Variants in SLF1 observed in about 807,000 individuals in gnomAD.
SLF1 encodes SMC5/6 complex localization factor 1, also known as SMC5-SMC6 complex localization factor protein 1.
Under a neutral mutation model 123.0 loss-of-function variants are expected in SLF1, and 105 were observed. The observed-to-expected ratio is 0.85, with a 90% CI of 0.73 to 1.00. The LOEUF (loss-of-function observed/expected upper bound fraction) is 1.00. Among genes scored for constraint, SLF1 ranks in the 50% least tolerant of loss-of-function variants. The probability of loss-of-function intolerance (pLI) is 0.00; values close to 1 mark genes in which losing one functional copy is unlikely to be tolerated. For synonymous variants in SLF1, 434 were observed against 406.6 expected, an observed-to-expected ratio of 1.07 and a Z score of -0.81; for missense variants, 1,239 against 1,223.0, an observed-to-expected ratio of 1.01 and a Z score of -0.20.
intron 12 of SLF1, 124 bp downstream of exon 12, chr5:94,666,148 A>G (rs1404478569): frequency 9.7e-6 from 9 of 930,932 alleles, no homozygotes; most frequent in Admixed American, 3.1e-5. Context: ...GCAAATACAA[A>G]TATGTATTGT....
chr5:94,687,211 T>C (rs1474443027), intron 16 of SLF1, among the ~76,000 whole-genome samples: 2 of 152,198 alleles, frequency 1.3e-5, no homozygotes, highest in African/African-American at 4.8e-5. Context: ...TGAGTGCCTG[T>C]AGGTGAGTGC....
chr5:94,666,342 C>T (rs1218175682), intron 12 of SLF1, among the ~76,000 whole-genome samples: 1 of 152,104 alleles, frequency 6.6e-6, no homozygotes, highest in African/African-American at 2.4e-5. Flanking sequence ...ATGGAATATG[C>T]ATATCATCAG....
chr5:94,620,686 A>G (rs1791705604), intron 1 of SLF1, among the ~76,000 whole-genome samples: 1 of 152,216 alleles, frequency 6.6e-6, no homozygotes, highest in East Asian at 1.9e-4. Context: ...GAATGTAACT[A>G]AAATGAGACA....
At chr5:94,665,668 G>A (rs986325123) in intron 11 of SLF1, among the ~76,000 whole-genome samples, 193 bp from the exon 12 acceptor site, 2 of 152,216 alleles carry the variant, frequency 1.3e-5, no homozygotes, top group South Asian at 2.1e-4. Context: ...CAGAAAAATC[G>A]CTTGAACCCA....
chr5:94,661,899 T>C (rs899365161), intron 9 of SLF1, among the ~76,000 whole-genome samples: 6 of 152,096 alleles, frequency 3.9e-5, no homozygotes, highest in African/African-American at 1.4e-4. Context: ...CTTTTAAATA[T>C]GCAATTATGG....
rs535062939 is a variant in SLF1, at chr5:94,624,944, T to C, written c.1-3867T>C. On this transcript the variant is annotated intron_variant, in intron 1 of 20. Coordinates refer to ENST00000265140, the MANE Select transcript of SLF1 (RefSeq NM_032290.4). ...GCTCATGCCTGTAATCCCAGCGCTT[T>C]GGGAGGCCGAGGCAGGCGGATCACA... Among the ~76,000 whole-genome samples the C allele has an allele frequency of 2.3e-3, 355 of 151,778 alleles. 2 individuals carry two copies. Among genetic ancestry groups the C allele is most frequent in the African/African-American group, 7.9e-3 (325 of 41,362 alleles).
chr5:94,676,731 C>A (rs1284093183), intron 14 of SLF1, among the ~76,000 whole-genome samples: 1 of 152,218 alleles, frequency 6.6e-6, no homozygotes, highest in Non-Finnish European at 1.5e-5. Flanking sequence ...TGCTACTGGT[C>A]CTGACTGTGT....
chr5:94,680,550 C>A (rs866389219), intron 15 of SLF1, among the ~76,000 whole-genome samples: 18 of 152,138 alleles, frequency 1.2e-4, no homozygotes, highest in Admixed American at 3.9e-4. Context: ...TGTTTTCATT[C>A]CTTAATGAAA....
intron 14 of SLF1, among the ~76,000 whole-genome samples, chr5:94,675,111 C>T (rs964461466): frequency 6.6e-6 from 1 of 152,218 alleles, no homozygotes; most frequent in African/African-American, 2.4e-5. Context: ...TCACATATTA[C>T]AGTGGGATAT....
At chr5:94,680,939 A>G (rs1302269331) in intron 15 of SLF1, among the ~76,000 whole-genome samples, 1 of 152,204 alleles carries the variant, frequency 6.6e-6, no homozygotes, top group African/African-American at 2.4e-5. Flanking sequence ...CCAAAGATCT[A>G]TTAATATATT....
rs1251528464 is a variant in SLF1, at chr5:94,649,598, G to A, written c.738+1G>A. On this transcript the variant is annotated splice_donor_variant, in intron 6 of 20. Transcript: ENST00000265140. LOFTEE classifies it high-confidence loss of function. ...AAGAGAGACCATGTATAGAACCCAGGTAAACTTTATAGGCTGAAAAACATA... is the reference window on the plus strand; with the variant it reads ...AAGAGAGACCATGTATAGAACCCAGATAAACTTTATAGGCTGAAAAACATA... 2.0e-6 allele frequency: 3 copies of A among 1,464,252 alleles called. No homozygotes were observed. The highest frequency in any genetic ancestry group is 5.1e-5 in the East Asian group (2 of 39,548). 90.7% of individuals were successfully genotyped at this position (1,464,252 alleles called of 1,614,324 possible).
At chr5:94,675,088 A>G (rs75215652) in intron 14 of SLF1, among the ~76,000 whole-genome samples, 20 of 152,344 alleles carry the variant, frequency 1.3e-4, no homozygotes, top group Non-Finnish European at 1.9e-4. Context: ...CATCTTTCCA[A>G]CAGAGTAGTT....
Position 94,697,090 on chromosome 5 carries a change from A to T in SLF1, c.*1778A>T, listed in dbSNP as rs906957494. 6.6e-6 allele frequency: 1 copy of T among 151,852 alleles called. No individual in the cohort carries two copies. Among genetic ancestry groups the T allele is most frequent in the African/African-American group, 2.4e-5 (1 of 41,394 alleles). 9.4% of individuals were successfully genotyped at this position (151,852 alleles called of 1,614,324 possible). On this transcript the variant is annotated 3_prime_UTR_variant, in exon 21 of 21. Transcript: ENST00000265140. ...CATAACGTATATTTGTTTAATTGCA[A>T]TTAGCATTAATATTTCATAATTGAC...
chr5:94,685,374 G>A (rs2152496507), intron 15 of SLF1, among the ~76,000 whole-genome samples: 1 of 151,934 alleles, frequency 6.6e-6, no homozygotes, highest in Admixed American at 6.5e-5. Context: ...TATTCTTCCA[G>A]TATTTATAGT....
intron 15 of SLF1, 53 bp downstream of exon 15, chr5:94,679,008 G>T: frequency 6.3e-7 from 1 of 1,587,382 alleles, no homozygotes; most frequent in Non-Finnish European, 8.6e-7. Context: ...AATTAGTTTT[G>T]AATTTCTTTT....
intron 14 of SLF1, among the ~76,000 whole-genome samples, chr5:94,677,037 AT>A (rs1177970174): frequency 6.6e-6 from 1 of 152,204 alleles, no homozygotes; most frequent in Non-Finnish European, 1.5e-5. Flanking sequence ...TCTGTAATAT[AT>A]AACTCTAATA....
chr5:94,659,971 C>T (rs1056972036), intron 9 of SLF1, among the ~76,000 whole-genome samples: 22 of 152,138 alleles, frequency 1.4e-4, no homozygotes, highest in African/African-American at 5.1e-4. Flanking sequence ...ATAGGCTGAG[C>T]AGGCCAGGTG....
intron 9 of SLF1, among the ~76,000 whole-genome samples, chr5:94,655,153 T>C (rs1642517313): frequency 6.6e-6 from 1 of 152,228 alleles, no homozygotes; most frequent in Non-Finnish European, 1.5e-5. Flanking sequence ...ATTCTGCTTA[T>C]GATTATCCAG....
chr5:94,687,549 G>T (rs1752579510), intron 16 of SLF1, among the ~76,000 whole-genome samples: 1 of 152,100 alleles, frequency 6.6e-6, no homozygotes, highest in African/African-American at 2.4e-5. Flanking sequence ...AGTTAAATTA[G>T]CTGGGCATGG....
Sources: gnomAD v4.1 joint callset for allele counts (sites outside exome capture counted in the v4.1 genomes callset) on GRCh38, gnomAD v4.1.1 for gene constraint, MANE v1.5 for transcripts, NCBI Gene and HGNC (gene_info 2026-07-23, HGNC 2026-07-21) for gene names.